The following CRIM1 variants were observed in gnomAD, a reference collection of about 807,000 sequenced individuals.
CRIM1 encodes cysteine rich transmembrane BMP regulator 1, also known as cysteine-rich motor neuron 1 protein.
In CRIM1, 32 loss-of-function variants were observed where a neutral mutation model predicts 116.4. The observed-to-expected ratio is 0.27, with a 90% CI of 0.21 to 0.37. CRIM1 has a LOEUF of 0.37. CRIM1 is among the 10% of genes least tolerant of loss of function. The pLI is 1.00. For missense variants in CRIM1, 1,331 were observed against 1,354.8 expected (o/e 0.98, Z 0.28); for synonymous variants, 590 against 509.2 (o/e 1.16, Z -2.13).
chr2:36,434,853 C>T (rs1675175763), intron 2 of CRIM1, among the ~76,000 whole-genome samples: 1 of 152,076 alleles, frequency 6.6e-6, no homozygotes, highest in Non-Finnish European at 1.5e-5. Context: ...TTTTGCCATT[C>T]CCTTTGTCTG....
At chr2:36,475,954 T>C (rs1206821578) in intron 5 of CRIM1, among the ~76,000 whole-genome samples, 5 of 152,214 alleles carry the variant, frequency 3.3e-5, no homozygotes, top group Non-Finnish European at 5.9e-5. Context: ...TAATTTTGTT[T>C]ATATGTTGCT....
At chr2:36,525,336 C>T (rs1003131229) in intron 13 of CRIM1, among the ~76,000 whole-genome samples, 1 of 152,142 alleles carries the variant, frequency 6.6e-6, no homozygotes, top group South Asian at 2.1e-4. Context: ...TCTGACTCTC[C>T]GGTTTGCGTT....
intron 2 of CRIM1, among the ~76,000 whole-genome samples, chr2:36,437,946 A>G (rs954796996): frequency 6.6e-6 from 1 of 152,028 alleles, no homozygotes; most frequent in African/African-American, 2.4e-5. Context: ...AGCCCGGCCA[A>G]CATGGTGAAA....
At chr2:36,414,063 A>G (rs945196651) in intron 2 of CRIM1, among the ~76,000 whole-genome samples, 2 of 152,230 alleles carry the variant, frequency 1.3e-5, no homozygotes, top group Non-Finnish European at 2.9e-5. Flanking sequence ...AGACTGAATA[A>G]TAGCAGCACA....
chr2:36,489,190 C>T (rs1311100561), intron 7 of CRIM1, among the ~76,000 whole-genome samples: 5 of 152,104 alleles, frequency 3.3e-5, no homozygotes, highest in Admixed American at 3.3e-4. Flanking sequence ...GCCTTTGTGC[C>T]TTGCATGGTG....
intron 1 of CRIM1, among the ~76,000 whole-genome samples, chr2:36,357,124 T>A (rs1388974208): frequency 1.3e-5 from 2 of 152,166 alleles, no homozygotes; most frequent in Non-Finnish European, 2.9e-5. Flanking sequence ...CCCGAGTGAC[T>A]CTTATTATTT....
chr2:36,442,537 G>C (rs1403494011), intron 3 of CRIM1, 78 bp from the exon 4 acceptor site: 2 of 1,562,772 alleles, frequency 1.3e-6, no homozygotes, highest in Non-Finnish European at 1.8e-6. Flanking sequence ...CATTTGTCAA[G>C]AGCTAGTATT....
intron 1 of CRIM1, among the ~76,000 whole-genome samples, chr2:36,375,071 T>C (rs1210755524): frequency 1.3e-5 from 2 of 152,148 alleles, no homozygotes; most frequent in African/African-American, 4.8e-5. Context: ...AATTAAGTTC[T>C]AAATGGGTAC....
At chr2:36,422,509 G>C (rs1480149436) in intron 2 of CRIM1, among the ~76,000 whole-genome samples, 1 of 152,120 alleles carries the variant, frequency 6.6e-6, no homozygotes, top group Non-Finnish European at 1.5e-5. Context: ...AGCAGCTGCT[G>C]GTGTTTGTAA....
chr2:36,544,661 C>T (rs1313130901), intron 15 of CRIM1, among the ~76,000 whole-genome samples, 163 bp downstream of exon 15: 1 of 152,176 alleles, frequency 6.6e-6, no homozygotes, highest in Non-Finnish European at 1.5e-5. Context: ...ATATTTACAC[C>T]ACACATTGAT....
chr2:36,492,614 G>C (rs1680304494), intron 7 of CRIM1, among the ~76,000 whole-genome samples: 1 of 152,150 alleles, frequency 6.6e-6, no homozygotes, highest in South Asian at 2.1e-4. Flanking sequence ...GTTCTGACCA[G>C]TTATGGGTCA....
At chr2:36,442,243 CTTTCT>C (rs1675897710) in intron 3 of CRIM1, among the ~76,000 whole-genome samples, 2 of 151,264 alleles carry the variant, frequency 1.3e-5, no homozygotes, top group African/African-American at 4.9e-5. Context: ...CTTTTTCTTT[CTTTCT>C]TTTTTTTTTT....
At chr2:36,459,319 C>T (rs919324579) in intron 4 of CRIM1, among the ~76,000 whole-genome samples, 4 of 152,160 alleles carry the variant, frequency 2.6e-5, no homozygotes, top group African/African-American at 9.7e-5. Flanking sequence ...TTTCCTTCCA[C>T]ATACTAATTT....
rs552621500 is a variant in CRIM1 at position 36,425,712 on chromosome 2, G to A, written c.506-15546G>A. Among the ~76,000 whole-genome samples the A allele has an allele frequency of 5.9e-5, 9 of 152,302 alleles. No individual in the cohort carries two copies. In the East Asian group the frequency reaches 1.7e-3, roughly 29 times the overall value. On this transcript the variant is annotated intron_variant, in intron 2 of 16. Coordinates refer to ENST00000280527, the MANE Select transcript of CRIM1 (RefSeq NM_016441.3). ...CATTCTCATCAGAGGCTCAGATGAG[G>A]TGGTGCCTTCTGATGCATTCTTAAG...
chr2:36,387,530 C>T (rs1439865801), intron 1 of CRIM1, among the ~76,000 whole-genome samples: 1 of 152,094 alleles, frequency 6.6e-6, no homozygotes, highest in Admixed American at 6.5e-5. Flanking sequence ...CTGAGATTTT[C>T]CTTGGAAACT....
chr2:36,508,752 A>C (rs1362614491), intron 8 of CRIM1, among the ~76,000 whole-genome samples: 1 of 152,154 alleles, frequency 6.6e-6, no homozygotes, highest in Non-Finnish European at 1.5e-5. Context: ...TTCTCTCGTA[A>C]GCCCTATATA....
chr2:36,377,975 A>G (rs940319092), intron 1 of CRIM1, among the ~76,000 whole-genome samples: 1 of 152,192 alleles, frequency 6.6e-6, no homozygotes, highest in Non-Finnish European at 1.5e-5. Context: ...ACTGACTCCC[A>G]AGGTAATTTT....
At chr2:36,378,161 G>A (rs4670546) in intron 1 of CRIM1, among the ~76,000 whole-genome samples, 73,222 of 152,100 alleles carry the variant, frequency 0.48, 17,639 homozygotes, top group South Asian at 0.55. Context: ...TAGATGCTCT[G>A]TAATTGAATA....
intron 10 of CRIM1, 111 bp from the exon 11 acceptor site, chr2:36,513,445 T>C: frequency 2.6e-6 from 2 of 777,528 alleles, no homozygotes; most frequent in Non-Finnish European, 4.5e-6. Context: ...CAAACTGTCC[T>C]GTGTTAGACG....
Sources: allele counts gnomAD v4.1 joint callset (sites outside exome capture counted in the v4.1 genomes callset), GRCh38; gene constraint gnomAD v4.1.1; transcripts MANE v1.5; gene names NCBI Gene and HGNC (gene_info 2026-07-23, HGNC 2026-07-21).